Variants in INTS5 observed in about 807,000 individuals in gnomAD.
INTS5 encodes the protein KIAA1698.
In INTS5, 29 loss-of-function variants were observed where a neutral mutation model predicts 60.0. The ratio of observed to expected loss-of-function variants is 0.48; its 90% CI spans 0.36 to 0.66. INTS5 has a LOEUF of 0.66. Ranked by LOEUF, INTS5 falls within the 30% of genes least tolerant of loss-of-function variation. INTS5 has a pLI of 0.00. For missense variants in INTS5, 1,129 were observed against 1,307.9 expected, an observed-to-expected ratio of 0.86 and a Z score of 2.11; for synonymous variants, 588 against 558.8, an observed-to-expected ratio of 1.05 and a Z score of -0.74.
chr11:62,648,523 C>T lies in INTS5; in HGVS notation c.1557G>A (p.Leu519=). 6.2e-7 allele frequency: 1 copy of T among 1,614,196 alleles called. No homozygotes were observed. Among genetic ancestry groups the T allele is most frequent in the South Asian group, 1.1e-5 (1 of 91,086 alleles). The change falls in exon 2 of 2, where the codon TTG becomes TTA. Residue 519 remains leucine (L), a synonymous_variant. Coordinates refer to ENST00000330574, the MANE Select transcript of INTS5 (RefSeq NM_030628.2). The surrounding 1 kb of genome is among the most constrained non-coding windows in gnomAD (Gnocchi z 4.4). The part of the protein sequence containing the change: ...YTRPSCGPEA[L]GHLLSRARSP... ...TTCGGGCTCGGCTCAGCAGATGGCC[C>T]AAGGCCTCAGGTCCACAGCTAGGCC...
In INTS5 at chr11:62,649,331, A is replaced by C; in HGVS notation, c.749T>G (p.Phe250Cys). 6.2e-7 allele frequency: 1 copy of C among 1,614,106 alleles called. No homozygotes were observed. The highest frequency in any genetic ancestry group is 8.5e-7 in the Non-Finnish European group (1 of 1,180,036). ...ACCTCCAGCCCCACCATGGACACAA[A>C]AGTCCTTAAGGCCACAGGAGAGAAC... ...SRVLSCGLKD[F>C]CVHGGAGGGA... is the part of the protein sequence containing the mutation. The change falls in exon 2 of 2, where the codon TTT becomes TGT. Residue 250 changes from phenylalanine (F) to cysteine (C), a missense_variant. Phe to Cys is a radical substitution (Grantham distance 205, BLOSUM62 -2). Coordinates refer to ENST00000330574, the MANE Select transcript of INTS5 (RefSeq NM_030628.2). This position sits in a 1 kb window ranked among gnomAD's most constrained non-coding sequence, Gnocchi z 6.0.
intron 1 of INTS5, among the ~76,000 whole-genome samples, chr11:62,651,627 G>A (rs1944594122): frequency 6.6e-6 from 1 of 152,128 alleles, no homozygotes; most frequent in Non-Finnish European, 1.5e-5. Flanking sequence ...GGAGGCCAAG[G>A]CTGGTGGATC....
At chr11:62,652,448 T>C (rs1024494065) in intron 1 of INTS5, among the ~76,000 whole-genome samples, 3 of 149,534 alleles carry the variant, frequency 2.0e-5, no homozygotes, top group African/African-American at 7.3e-5. Context: ...AAGCACCTTA[T>C]TAAGGGCTCT....
chr11:62,652,254 G>A (rs1262979672), intron 1 of INTS5, among the ~76,000 whole-genome samples: 2 of 151,820 alleles, frequency 1.3e-5, no homozygotes, highest in Admixed American at 1.3e-4. Context: ...AGGAGGCGGA[G>A]GTTGCAGTAA....
Position 62,648,459 on chromosome 11 carries a change from C to T in INTS5, c.1621G>A (p.Gly541Arg), listed in dbSNP as rs765606137. The change falls in exon 2 of 2, where the codon GGG becomes AGG. Residue 541 changes from glycine to arginine, a missense_variant. By Grantham distance (125) the Gly-to-Arg change is moderately radical. Coordinates refer to ENST00000330574, the MANE Select transcript of INTS5 (RefSeq NM_030628.2). This position sits in a 1 kb window ranked among gnomAD's most constrained non-coding sequence, Gnocchi z 4.4. ...AGGCCAGAGAGGCTGACCACTAGCC[C>T]TGCATATAACTGGGTGGCCAAACTC... Reference protein sequence around the residue: ...ELSLATQLYAGLVVSLSGLLP... With the variant: ...ELSLATQLYARLVVSLSGLLP... 6 of 1,614,196 alleles carry T rather than the reference C, an allele frequency of 3.7e-6. No individual in the cohort carries two copies. The highest frequency in any genetic ancestry group is 4.2e-6 in the Non-Finnish European group (5 of 1,180,042).
Position 62,648,442 on chromosome 11 carries a change from G to A in INTS5, c.1638C>T (p.Leu546=). 1 of 1,614,218 alleles carries A rather than the reference G, an allele frequency of 6.2e-7. No homozygotes were observed. Among genetic ancestry groups the A allele is most frequent in the South Asian group, 1.1e-5 (1 of 91,092 alleles). ...TQLYAGLVVS[L]SGLLPLAFRS... Reference sequence around the variant, plus strand: ...GGAAAGCCAGGGGCAGGAGGCCAGAGAGGCTGACCACTAGCCCTGCATATA... The same window carrying A: ...GGAAAGCCAGGGGCAGGAGGCCAGAAAGGCTGACCACTAGCCCTGCATATA... The change falls in exon 2 of 2, where the codon CTC becomes CTT. Residue 546 remains leucine, a synonymous_variant. Coordinates refer to ENST00000330574, the MANE Select transcript of INTS5 (RefSeq NM_030628.2). The surrounding 1 kb of genome is among the most constrained non-coding windows in gnomAD (Gnocchi z 4.4).
In INTS5 at chr11:62,653,197, G is replaced by A. The variant is rs564687089; in HGVS notation, c.53C>T (p.Pro18Leu). 180 of 1,247,524 alleles carry A rather than the reference G, an allele frequency of 1.4e-4. No homozygotes were observed. Among genetic ancestry groups the A allele is most frequent in the East Asian group, 9.2e-4 (29 of 31,666 alleles). 77.3% of individuals were successfully genotyped at this position (1,247,524 alleles called of 1,614,324 possible). A position where few individuals can be genotyped will look rare whatever the true frequency, so the allele number is the denominator to read the frequency against. ...PGAPGPPGPA[P>L]ATHGPAPLSA... ...GAGAGGCGCGGGACCGTGGGTGGCC[G>A]GGGCAGGCCCAGGTGGCCCTGGGGC... Residue 18 changes from proline (P) to leucine (L), a missense_variant, in exon 1 of 2, where the codon CCG (proline) becomes CTG (leucine). Pro to Leu is a moderately conservative substitution (Grantham distance 98). Transcript: ENST00000330574.
chr11:62,650,499 G>A (rs777326140), intron 1 of INTS5, among the ~76,000 whole-genome samples: 5 of 150,716 alleles, frequency 3.3e-5, no homozygotes, highest in African/African-American at 9.8e-5. Flanking sequence ...TGCAACCTCC[G>A]CCTACTGAGT....
rs1944571907 is a variant in INTS5 at position 62,648,904 on chromosome 11, C to A, written c.1176G>T (p.Val392=). ...CCCCAGAGGCCTGGCTCACCAGGTG[C>A]ACAGCCAGGTTCAACATGTTGTCCA... is the stretch of plus-strand genomic sequence containing the variant. ...EELDNMLNLA[V]HLVSQASGAG... is the part of the protein sequence containing the mutation. Residue 392 remains valine, a synonymous_variant, in exon 2 of 2, where the codon GTG becomes GTT. Transcript: ENST00000330574. This position sits in a 1 kb window ranked among gnomAD's most constrained non-coding sequence, Gnocchi z 4.4. 4 of 1,613,540 alleles carry A rather than the reference C, an allele frequency of 2.5e-6. No homozygotes were observed. The East Asian group carries it at 8.9e-5, about 36-fold the overall frequency.
intron 1 of INTS5, among the ~76,000 whole-genome samples, 159 bp from the exon 2 acceptor site, chr11:62,650,158 C>CCCT: frequency 6.6e-6 from 1 of 152,028 alleles, no homozygotes; most frequent in Non-Finnish European, 1.5e-5. Context: ...GCTCTGTTGT[C>CCCT]CAGGCTGGAG....
At position 62,649,987 on chromosome 11, in the gene INTS5, C is replaced by T. The variant is rs770097310; in HGVS notation, c.93G>A (p.Leu31=). The T allele has an allele frequency of 1.9e-6, 3 of 1,613,840 alleles. No individual in the cohort carries two copies. Among genetic ancestry groups the T allele is most frequent in the Non-Finnish European group, 2.5e-6 (3 of 1,179,838 alleles). The change falls in exon 2 of 2, where the codon CTG becomes CTA. Residue 31 remains leucine (L), a synonymous_variant. Coordinates refer to ENST00000330574, the MANE Select transcript of INTS5 (RefSeq NM_030628.2). The surrounding 1 kb of genome is among the most constrained non-coding windows in gnomAD (Gnocchi z 6.0). ...HGPAPLSAQE[L]SQEIKAFLTG... ...TCAGAAAAGCCTTGATTTCCTGGGA[C>T]AGCTCCTGAGCACTACAAGGAAGCA... is the stretch of plus-strand genomic sequence containing the variant.
In INTS5 at chr11:62,647,739, T is replaced by C. The variant is rs1944542126; in HGVS notation, c.2341A>G (p.Ser781Gly). Residue 781 changes from serine (S) to glycine (G), a missense_variant, in exon 2 of 2, where the codon AGC becomes GGC. Physicochemically the swap from Ser to Gly is moderately conservative, Grantham distance 56. This residue lies in a region of INTS5 where 1,070 missense variants were observed against 1,246.1 expected (regional missense o/e 0.86). Coordinates refer to ENST00000330574, the MANE Select transcript of INTS5 (RefSeq NM_030628.2). ...EVIYNTQSLL[S>G]LLVHCCSAPG... ...GCACTGCAGCAGTGAACCAGGAGGC[T>C]GAGGAGGCTCTGGGTGTTATAGATC... 2 of 1,614,190 alleles carry C rather than the reference T, an allele frequency of 1.2e-6. No homozygotes were observed. The highest frequency in any genetic ancestry group is 1.1e-5 in the South Asian group (1 of 91,088).
At chr11:62,651,646 G>A (rs796526443) in intron 1 of INTS5, among the ~76,000 whole-genome samples, 3 of 151,150 alleles carry the variant, frequency 2.0e-5, no homozygotes, top group Non-Finnish European at 3.0e-5. Context: ...TCGCTTGAGC[G>A]CAAGAGTTCA....
Position 62,648,826 on chromosome 11 carries a change from C to G in INTS5, c.1254G>C (p.Ser418=). 1 of 1,614,040 alleles carries G rather than the reference C, an allele frequency of 6.2e-7. No individual in the cohort carries two copies. Among genetic ancestry groups the G allele is most frequent in the South Asian group, 1.1e-5 (1 of 91,082 alleles). The change falls in exon 2 of 2, where the codon TCG becomes TCC. Residue 418 remains serine, a synonymous_variant. Coordinates refer to ENST00000330574, the MANE Select transcript of INTS5 (RefSeq NM_030628.2). The surrounding 1 kb of genome is among the most constrained non-coding windows in gnomAD (Gnocchi z 4.4). ...CAGCCAGGCCCTGGGTGGTAATGAC[C>G]GAAGCAGGCATAGCTGTGTCCACCA... ...QFLVDTAMPA[S]VITTQGLAVP...
chr11:62,648,611 C>T lies in INTS5; in HGVS notation c.1469G>A (p.Arg490Gln), dbSNP rs778681454. The T allele has an allele frequency of 1.7e-5, 28 of 1,614,084 alleles. No individual in the cohort carries two copies. Among genetic ancestry groups the T allele is most frequent in the East Asian group, 2.2e-5 (1 of 44,886 alleles). Residue 490 changes from arginine (R) to glutamine (Q), a missense_variant, in exon 2 of 2, where the codon CGA becomes CAA. Around this residue, in one of 3 missense-constraint regions of INTS5, gnomAD observed 1,070 missense variants for 1,246.1 expected, o/e 0.86. Coordinates refer to ENST00000330574, the MANE Select transcript of INTS5 (RefSeq NM_030628.2). The surrounding 1 kb of genome is among the most constrained non-coding windows in gnomAD (Gnocchi z 4.4). The part of the protein sequence containing the change: ...HVGELCGETL[R>Q]LERKRFLWQH... ...CCAGAGGAAGCGCTTCCGTTCCAAT[C>T]GTAACGTCTCTCCACACAGCTCTCC...
In INTS5 at chr11:62,647,977, G is replaced by A; in HGVS notation, c.2103C>T (p.Asn701=). ...LLVEGALHRG[N]TELFGGQVDG... ...CTACTTGCCCACCAAACAGTTCTGT[G>A]TTGCCTCGATGTAAGGCTCCTTCAA... The change falls in exon 2 of 2, where the codon AAC becomes AAT. Residue 701 remains asparagine (N), a synonymous_variant. Transcript: ENST00000330574. 6.2e-7 allele frequency: 1 copy of A among 1,614,166 alleles called. No individual in the cohort carries two copies. The highest frequency in any genetic ancestry group is 1.3e-5 in the African/African-American group (1 of 75,044).
Position 62,649,566 on chromosome 11 carries a change from C to T in INTS5, c.514G>A (p.Ala172Thr), listed in dbSNP as rs868022906. 3.1e-6 allele frequency: 5 copies of T among 1,614,156 alleles called. No homozygotes were observed. Among genetic ancestry groups the T allele is most frequent in the Admixed American group, 3.3e-5 (2 of 60,018 alleles). The change falls in exon 2 of 2, where the codon GCT becomes ACT. Residue 172 changes from alanine to threonine, a missense_variant. Ala to Thr is a moderately conservative substitution (Grantham distance 58). Coordinates refer to ENST00000330574, the MANE Select transcript of INTS5 (RefSeq NM_030628.2). This position sits in a 1 kb window ranked among gnomAD's most constrained non-coding sequence, Gnocchi z 6.0. ...QHQRVPHATG[A>T]LNELLQLWMG... ...CACAGCTGTAGCAGTTCATTAAGAG[C>T]GCCAGTAGCGTGGGGAACACGCTGG...
rs1565117697 is a variant in INTS5 at position 62,647,032 on chromosome 11, T to C, written c.3048A>G (p.Arg1016=). Residue 1016 remains arginine (R), a synonymous_variant, in exon 2 of 2, where the codon CGA becomes CGG. Transcript: ENST00000330574. ...FQAPSPSTLL[R]QGT ...GAGCAAGAAAAGGCTACGTCCCCTG[T>C]CGAAGGAGAGTGGACGGTGAAGGTG... is the stretch of plus-strand genomic sequence containing the variant. The C allele has an allele frequency of 6.2e-7, 1 of 1,610,394 alleles. No individual in the cohort carries two copies. Among genetic ancestry groups the C allele is most frequent in the South Asian group, 1.1e-5 (1 of 91,006 alleles).
chr11:62,653,015 T>G (rs1447833695), intron 1 of INTS5, among the ~76,000 whole-genome samples, 155 bp downstream of exon 1: 1 of 152,106 alleles, frequency 6.6e-6, no homozygotes, highest in South Asian at 2.1e-4. Flanking sequence ...AGCCCTGAGT[T>G]TTGGTGAAGC....
Sources: allele counts gnomAD v4.1 joint callset (sites outside exome capture counted in the v4.1 genomes callset), GRCh38; gene constraint gnomAD v4.1.1; regional missense constraint gnomAD v4.1.1; non-coding constraint Gnocchi (gnomAD v3.1); transcripts MANE v1.5; gene names NCBI Gene and HGNC (gene_info 2026-07-23, HGNC 2026-07-21).